LRP2: variants seen among roughly 807,000 people sequenced by gnomAD.
LRP2 encodes low-density lipoprotein receptor-related protein 2.
A neutral mutation model predicts 531.0 loss-of-function variants in LRP2; 172 were observed. The observed-to-expected ratio is 0.32, with a 90% CI of 0.29 to 0.37. The LOEUF (loss-of-function observed/expected upper bound fraction) is 0.37, where lower values mean the gene tolerates loss of function less well. LRP2 is among the 10% of genes least tolerant of loss of function. The pLI is 1.00. For synonymous variants in LRP2, 1,992 were observed against 2,027.6 expected (o/e 0.98, Z 0.47); for missense variants, 5,167 against 5,868.3 (o/e 0.88, Z 3.90).
chr2:169,182,446 G>C, intron 50 of LRP2, 127 bp from the exon 51 acceptor site: 1 of 1,568,300 alleles, frequency 6.4e-7, no homozygotes, highest in Non-Finnish European at 8.6e-7. Context: ...CTTTCTTCAG[G>C]CAAATGAGGG....
chr2:169,327,750 G>GT (rs1559077678), intron 1 of LRP2, among the ~76,000 whole-genome samples: 2 of 133,242 alleles, frequency 1.5e-5, no homozygotes, highest in Admixed American at 7.0e-5. Flanking sequence ...CGTCCGGGAG[G>GT]GAGGTGGGGG....
At chr2:169,183,516 C>T (rs115415659) in intron 50 of LRP2, among the ~76,000 whole-genome samples, 2,822 of 152,236 alleles carry the variant, frequency 0.019, 36 homozygotes, top group Non-Finnish European at 0.028. Context: ...GAAGGAGTTG[C>T]TATTATTATT....
At chr2:169,234,166 C>T (rs1689517240) in intron 29 of LRP2, among the ~76,000 whole-genome samples, 1 of 152,090 alleles carries the variant, frequency 6.6e-6, no homozygotes, top group African/African-American at 2.4e-5. Context: ...TTCTGGGATA[C>T]ATGTGCAGAA....
At chr2:169,168,484 A>C in intron 61 of LRP2, 55 bp downstream of exon 61, 3 of 1,608,746 alleles carry the variant, frequency 1.9e-6, no homozygotes, top group Non-Finnish European at 1.7e-6. Context: ...CGTAAGAAAC[A>C]ATGAGATTTG....
At chr2:169,294,073 G>T in intron 6 of LRP2, 75 bp downstream of exon 6, 1 of 995,350 alleles carries the variant, frequency 1.0e-6, no homozygotes, top group Non-Finnish European at 1.6e-6. Context: ...GGGAGCGGGG[G>T]GATAAAACAA....
chr2:169,238,319 T>A lies in LRP2; in HGVS notation c.4295-17A>T. ...TCTCAGATGCTGTTCAAGAAAAAAA[T>A]GCAAAAATGTCAATGATACTGGGAG... On this transcript the variant is annotated splice_polypyrimidine_tract_variant and intron_variant, in intron 26 of 78. Coordinates refer to ENST00000649046, the MANE Select transcript of LRP2 (RefSeq NM_004525.3). 5.7e-6 allele frequency: 9 copies of A among 1,571,524 alleles called. No homozygotes were observed. Among genetic ancestry groups the A allele is most frequent in the Non-Finnish European group, 7.9e-6 (9 of 1,141,692 alleles).
intron 55 of LRP2, 71 bp downstream of exon 55, chr2:169,175,122 A>G (rs1687142802): frequency 6.8e-7 from 1 of 1,469,466 alleles, no homozygotes; most frequent in Non-Finnish European, 9.5e-7. Context: ...TTCAGGAAAT[A>G]CCCACAGAAT....
At chr2:169,166,952 G>A (rs1686809340) in intron 61 of LRP2, among the ~76,000 whole-genome samples, 1 of 152,204 alleles carries the variant, frequency 6.6e-6, no homozygotes, top group African/African-American at 2.4e-5. Flanking sequence ...AATAAGATTG[G>A]TTGAGGGGAA....
chr2:169,294,073 G>A (rs1684073622), intron 6 of LRP2, 75 bp downstream of exon 6: 3 of 995,350 alleles, frequency 3.0e-6, no homozygotes, highest in Non-Finnish European at 4.9e-6. Flanking sequence ...GGGAGCGGGG[G>A]GATAAAACAA....
At chr2:169,177,402 A>G (rs1269229697) in intron 53 of LRP2, among the ~76,000 whole-genome samples, 1 of 152,226 alleles carries the variant, frequency 6.6e-6, no homozygotes. Context: ...TTTATACACA[A>G]TACAATATCA....
intron 35 of LRP2, 92 bp from the exon 36 acceptor site, chr2:169,213,962 C>T (rs1393724659): frequency 3.5e-6 from 3 of 845,742 alleles, no homozygotes; most frequent in African/African-American, 1.7e-5. Flanking sequence ...TAATGTCTCA[C>T]ATTTATACAG....
intron 66 of LRP2, among the ~76,000 whole-genome samples, chr2:169,153,658 T>C (rs919585824): frequency 6.6e-6 from 1 of 152,186 alleles, no homozygotes; most frequent in African/African-American, 2.4e-5. Context: ...ACTTTGATTT[T>C]GTAGAAAAAA....
At position 169,202,833 on chromosome 2, in the gene LRP2, C is replaced by T. The variant is rs190037522; in HGVS notation, c.8132G>A (p.Arg2711His). ...GASSFTCSNGRCISEEWKCDN... is the reference protein window; with the variant it reads ...GASSFTCSNGHCISEEWKCDN... Reference sequence around the variant, plus strand: ...ACACTTCCACTCTTCCGAGATGCAGCGCCCATTGGAGCAGGTGAAGGAAGA... The same window carrying T: ...ACACTTCCACTCTTCCGAGATGCAGTGCCCATTGGAGCAGGTGAAGGAAGA... Residue 2711 changes from arginine (R) to histidine (H), a missense_variant, in exon 43 of 79, where the codon CGC (arginine) becomes CAC (histidine). Around this residue, in one of 6 missense-constraint regions of LRP2, gnomAD observed 1,129 missense variants for 1,362.7 expected, o/e 0.83. Coordinates refer to ENST00000649046, the MANE Select transcript of LRP2 (RefSeq NM_004525.3). 224 of 1,614,188 alleles carry T rather than the reference C, an allele frequency of 1.4e-4. 1 individual carries two copies. In the Middle Eastern group the frequency reaches 6.9e-3, roughly 50 times the overall value.
chr2:169,243,535 G>A lies in LRP2; in HGVS notation c.3431-13C>T, dbSNP rs371521298. On this transcript the variant is annotated splice_polypyrimidine_tract_variant and intron_variant, in intron 22 of 78. Transcript: ENST00000649046. Reference sequence around the variant, plus strand: ...GTCTCTGTCGAATCTAATGTCATCCGAAAACAAAACCAACAAGTTTATTTC... The same window carrying A: ...GTCTCTGTCGAATCTAATGTCATCCAAAAACAAAACCAACAAGTTTATTTC... The A allele has an allele frequency of 2.9e-5, 47 of 1,613,778 alleles. No individual in the cohort carries two copies. The highest frequency in any genetic ancestry group is 1.6e-4 in the Middle Eastern group (1 of 6,062).
At chr2:169,311,789 T>C (rs1302886804) in intron 3 of LRP2, among the ~76,000 whole-genome samples, 1 of 152,202 alleles carries the variant, frequency 6.6e-6, no homozygotes, top group Non-Finnish European at 1.5e-5. Context: ...TGTCTAATGT[T>C]GACAGTGGGG....
chr2:169,219,430 TCAAA>T (rs1268243602), intron 34 of LRP2, among the ~76,000 whole-genome samples: 1 of 152,208 alleles, frequency 6.6e-6, no homozygotes, highest in Non-Finnish European at 1.5e-5. Flanking sequence ...AAATAGCCAA[TCAAA>T]CAGACCGGAG....
At chr2:169,361,350 G>GTCTCTCTCTGTCTCTCTCTCTCTCTCTC (rs1559092778) in intron 1 of LRP2, among the ~76,000 whole-genome samples, 2 of 21,966 alleles carry the variant, frequency 9.1e-5, no homozygotes, top group African/African-American at 3.9e-4. Context: ...GTCTCTCTCT[G>GTCTCTCTCTGTCTCTCTCTCTCTCTCTC]TCTCTCTCTC....
At chr2:169,305,481 G>T (rs1010120957) in intron 4 of LRP2, among the ~76,000 whole-genome samples, 3 of 152,116 alleles carry the variant, frequency 2.0e-5, no homozygotes, top group Non-Finnish European at 4.4e-5. Flanking sequence ...ATCAAAGGAA[G>T]GAATTTAGAG....
rs1382873079 is a variant in LRP2 at position 169,132,658 on chromosome 2, A to G, written c.13644T>C (p.Asp4548=). 4 of 1,602,650 alleles carry G rather than the reference A, an allele frequency of 2.5e-6. No homozygotes were observed. The highest frequency in any genetic ancestry group is 2.2e-5 in the East Asian group (1 of 44,818). The change falls in exon 77 of 79, where the codon GAT becomes GAC. Residue 4548 remains aspartate, a synonymous_variant. Coordinates refer to ENST00000649046, the MANE Select transcript of LRP2 (RefSeq NM_004525.3). The stretch of plus-strand genomic sequence containing the variant: ...TTATGGGACTTCCATAATTCTTATT[A>G]TCCACATTTTCAGATACAGTCACCT... ...PIQVTVSENV[D]NKNYGSPINP... is the part of the protein sequence containing the mutation.
Sources: gnomAD v4.1 joint callset for allele counts (sites outside exome capture counted in the v4.1 genomes callset) on GRCh38, gnomAD v4.1.1 for gene constraint, gnomAD v4.1.1 regional missense constraint, MANE v1.5 for transcripts, NCBI Gene and HGNC (gene_info 2026-07-23, HGNC 2026-07-21) for gene names.